The following GRM8 variants were observed in gnomAD, a reference collection of about 807,000 sequenced individuals.
GRM8 encodes glutamate metabotropic receptor 8.
GRM8 carries 47 observed loss-of-function variants against 87.2 expected under a neutral mutation model. That is an observed-to-expected ratio of 0.54 (90% CI 0.43 to 0.69). GRM8 has a LOEUF of 0.69. Among genes scored for constraint, GRM8 ranks in the 30% least tolerant of loss-of-function variants. The probability of loss-of-function intolerance (pLI) is 0.00; values close to 1 mark genes in which losing one functional copy is unlikely to be tolerated. For synonymous variants in GRM8, 396 were observed against 404.5 expected (o/e 0.98, Z 0.25); for missense variants, 1,019 against 1,139.2 (o/e 0.89, Z 1.52).
At chr7:126,969,764 T>G (rs1475454671) in intron 3 of GRM8, among the ~76,000 whole-genome samples, 1 of 152,172 alleles carries the variant, frequency 6.6e-6, no homozygotes, top group Non-Finnish European at 1.5e-5. Context: ...CCAGGAGTCT[T>G]CATTTACTTT....
intron 7 of GRM8, among the ~76,000 whole-genome samples, chr7:126,754,555 C>A (rs1383137508): frequency 2.6e-5 from 4 of 151,898 alleles, no homozygotes; most frequent in African/African-American, 9.7e-5. Flanking sequence ...AATTCAAAAT[C>A]TACTTTTACT....
intron 3 of GRM8, among the ~76,000 whole-genome samples, chr7:126,907,226 G>A (rs1802788630): frequency 6.7e-6 from 1 of 148,450 alleles, no homozygotes; most frequent in Non-Finnish European, 1.5e-5. Flanking sequence ...AGATGGAGGA[G>A]GAGGAGGAAG....
rs1808007583 is a variant in GRM8 at position 126,685,026 on chromosome 7, T to G, written c.1358-75528A>C. Among the ~76,000 whole-genome samples the G allele has an allele frequency of 6.6e-6, 1 of 152,152 alleles. No homozygotes were observed. The highest frequency in any genetic ancestry group is 6.5e-5 in the Admixed American group (1 of 15,284). On this transcript the variant is annotated intron_variant, in intron 7 of 10. Coordinates refer to ENST00000339582, the MANE Select transcript of GRM8 (RefSeq NM_000845.3). This position sits in a 1 kb window ranked among gnomAD's most constrained non-coding sequence, Gnocchi z 4.2. ...AGCAGGAGAGGCTGCAGGGCAGCAG[T>G]GGTGGCCATGGGACCCCTGTGCCCT...
intron 3 of GRM8, among the ~76,000 whole-genome samples, chr7:126,936,917 C>T (rs1806394278): frequency 6.6e-6 from 1 of 152,192 alleles, no homozygotes; most frequent in Admixed American, 6.5e-5. Flanking sequence ...TTTCACAAAT[C>T]TCTGTTACAG....
intron 7 of GRM8, among the ~76,000 whole-genome samples, chr7:126,643,218 G>A (rs1802600341): frequency 6.8e-6 from 1 of 146,502 alleles, no homozygotes; most frequent in Non-Finnish European, 1.5e-5. Flanking sequence ...TGAGCCCCAT[G>A]GGGCAGAAGT....
intron 7 of GRM8, among the ~76,000 whole-genome samples, chr7:126,769,071 T>C (rs2151603098): frequency 6.6e-6 from 1 of 152,166 alleles, no homozygotes; most frequent in South Asian, 2.1e-4. Context: ...TCAAGGCATG[T>C]CCATTGTATG....
intron 6 of GRM8, among the ~76,000 whole-genome samples, chr7:126,861,030 T>C (rs908279492): frequency 2.0e-5 from 3 of 152,174 alleles, no homozygotes; most frequent in Non-Finnish European, 4.4e-5. Flanking sequence ...TTTTCCTCTG[T>C]GGCCTTCAGC....
intron 3 of GRM8, among the ~76,000 whole-genome samples, chr7:127,029,300 GTATATTCTGTTGAT>G (rs1817124153): frequency 1.3e-5 from 2 of 151,908 alleles, no homozygotes; most frequent in South Asian, 4.2e-4. Flanking sequence ...TGCTGAGAAT[GTATATTCTGTTGAT>G]TTGAGGTGGA....
chr7:126,742,457 G>A (rs985468407), intron 7 of GRM8, among the ~76,000 whole-genome samples: 2 of 151,694 alleles, frequency 1.3e-5, no homozygotes, highest in Non-Finnish European at 2.9e-5. Context: ...AAAAGATCTG[G>A]GTAAGCATTT....
intron 3 of GRM8, among the ~76,000 whole-genome samples, chr7:126,992,144 T>C (rs1250006693): frequency 1.3e-5 from 2 of 152,192 alleles, no homozygotes; most frequent in African/African-American, 2.4e-5. Flanking sequence ...GTGCCTTGCT[T>C]AGTTACAAAT....
chr7:126,974,541 G>A (rs1810757301), intron 3 of GRM8, among the ~76,000 whole-genome samples: 2 of 152,052 alleles, frequency 1.3e-5, no homozygotes, highest in South Asian at 4.1e-4. Flanking sequence ...AAAATATGGG[G>A]AAAAAAGTAC....
rs1162193774 is a variant in GRM8 at position 126,614,763 on chromosome 7, A to G, written c.1358-5265T>C. On this transcript the variant is annotated intron_variant, in intron 7 of 10. Coordinates refer to ENST00000339582, the MANE Select transcript of GRM8 (RefSeq NM_000845.3). The stretch of plus-strand genomic sequence containing the variant: ...AGTAGCTGATTTGATCAACTGGAAG[A>G]AAGGGTATCAGTGATTGAAGATCAA... Among the ~76,000 whole-genome samples, 4 of 152,254 alleles carry G rather than the reference A, an allele frequency of 2.6e-5. No individual in the cohort carries two copies. In the East Asian group the frequency reaches 5.8e-4, roughly 22 times the overall value.
chr7:127,125,835 C>G (rs1184894547), intron 2 of GRM8, among the ~76,000 whole-genome samples: 2 of 147,828 alleles, frequency 1.4e-5, no homozygotes, highest in African/African-American at 2.5e-5. Flanking sequence ...AGACGGTTTT[C>G]AAAAGAAGAT....
At chr7:126,539,798 A>G (rs1816326114) in intron 8 of GRM8, among the ~76,000 whole-genome samples, 1 of 152,070 alleles carries the variant, frequency 6.6e-6, no homozygotes, top group Non-Finnish European at 1.5e-5. Context: ...TATAAAAATT[A>G]ACTCAAAAAG....
intron 8 of GRM8, among the ~76,000 whole-genome samples, chr7:126,573,677 C>T (rs574537671): frequency 1.7e-4 from 26 of 152,034 alleles, no homozygotes; most frequent in African/African-American, 4.3e-4. Context: ...GTCCGCCTCC[C>T]GGGTTCAAGT....
intron 3 of GRM8, among the ~76,000 whole-genome samples, chr7:126,935,709 C>G (rs1806241873): frequency 6.6e-6 from 1 of 152,176 alleles, no homozygotes; most frequent in Non-Finnish European, 1.5e-5. Flanking sequence ...AACAGTTCAA[C>G]TGAGATGACA....
chr7:126,644,640 T>C (rs1802838693), intron 7 of GRM8, among the ~76,000 whole-genome samples: 1 of 152,216 alleles, frequency 6.6e-6, no homozygotes, highest in Non-Finnish European at 1.5e-5. Context: ...GCAAGTATTA[T>C]ATGATATAAC....
chr7:126,544,104 A>C (rs1816855096), intron 8 of GRM8, among the ~76,000 whole-genome samples: 1 of 152,162 alleles, frequency 6.6e-6, no homozygotes, highest in South Asian at 2.1e-4. Context: ...TTTTATTGTA[A>C]CACTTTGGCA....
At position 127,218,158 on chromosome 7, in the gene GRM8, CA is replaced by C. The variant is rs200353384; in HGVS notation, c.510+24536del. Among the ~76,000 whole-genome samples, 218 of 152,356 alleles carry C rather than the reference CA, an allele frequency of 1.4e-3. 1 individual carries two copies. Among genetic ancestry groups the C allele is most frequent in the African/African-American group, 5.0e-3 (210 of 41,586 alleles). ...GCTTCGCTCTGTTCCAGGATAAAAA[CA>C]AAACAATAACCAAAACACTAACAGT... On this transcript the variant is annotated intron_variant, in intron 2 of 10. Transcript: ENST00000339582.
Sources: gnomAD v4.1 joint callset for allele counts (sites outside exome capture counted in the v4.1 genomes callset) on GRCh38, gnomAD v4.1.1 for gene constraint, Gnocchi (gnomAD v3.1) non-coding constraint, MANE v1.5 for transcripts, NCBI Gene and HGNC (gene_info 2026-07-23, HGNC 2026-07-21) for gene names.